SLC12A6: variants seen among roughly 807,000 people sequenced by gnomAD.
SLC12A6 encodes the protein K-Cl cotransporter 3.
A neutral mutation model predicts 135.3 loss-of-function variants in SLC12A6; 66 were observed. The observed-to-expected ratio is 0.49, with a 90% confidence interval of 0.40 to 0.60. The LOEUF (loss-of-function observed/expected upper bound fraction) is 0.60. Among genes scored for constraint, SLC12A6 ranks in the 20% least tolerant of loss-of-function variants. SLC12A6 has a pLI of 0.00. For synonymous variants in SLC12A6, 513 were observed against 508.8 expected (o/e 1.01, Z -0.11); for missense variants, 1,058 against 1,452.3 (o/e 0.73, Z 4.41).
intron 2 of SLC12A6, among the ~76,000 whole-genome samples, chr15:34,283,116 G>T (rs1396130313): frequency 6.6e-6 from 1 of 152,186 alleles, no homozygotes; most frequent in Non-Finnish European, 1.5e-5. Context: ...GCCAAGGCAG[G>T]TGGATCACCT....
intron 2 of SLC12A6, among the ~76,000 whole-genome samples, chr15:34,312,313 A>C (rs929002393): frequency 1.3e-5 from 2 of 152,216 alleles, no homozygotes; most frequent in Admixed American, 6.5e-5. Flanking sequence ...AGTAAGTACA[A>C]TACCTGACAT....
At chr15:34,311,447 T>C (rs192496605) in intron 2 of SLC12A6, among the ~76,000 whole-genome samples, 64 of 152,344 alleles carry the variant, frequency 4.2e-4, no homozygotes, top group Non-Finnish European at 8.2e-4. Flanking sequence ...TTTGTTATAT[T>C]GGTCCTATTT....
chr15:34,306,549 C>G (rs1330732951), intron 2 of SLC12A6, among the ~76,000 whole-genome samples: 1 of 152,182 alleles, frequency 6.6e-6, no homozygotes, highest in Non-Finnish European at 1.5e-5. Flanking sequence ...GCCTCAATTG[C>G]ACCAACTGTT....
Position 34,240,673 on chromosome 15 carries a change from T to TAAAG in SLC12A6, c.2420_2423dup (p.Leu808PhefsTer5). 1 of 1,613,982 alleles carries TAAAG rather than the reference T, an allele frequency of 6.2e-7. No individual in the cohort carries two copies. The highest frequency in any genetic ancestry group is 8.5e-7 in the Non-Finnish European group (1 of 1,179,862). ...GCCTGACTCTTACCTGCTCAGCAGCTAAAGCTTCACCGTAGTTCTCTAGGA... is the reference window on the plus strand; with the variant it reads ...GCCTGACTCTTACCTGCTCAGCAGCTAAAGAAAGCTTCACCGTAGTTCTCTAGGA... On this transcript the variant is annotated frameshift_variant, in exon 19 of 26. Transcript: ENST00000354181. LOFTEE classifies it high-confidence loss of function.
At chr15:34,304,595 CTG>C (rs1444167137) in intron 2 of SLC12A6, among the ~76,000 whole-genome samples, 2 of 152,110 alleles carry the variant, frequency 1.3e-5, no homozygotes, top group African/African-American at 2.4e-5. Context: ...TGTGAAAAAA[CTG>C]TACCTCATTT....
chr15:34,259,522 T>C (rs1463041226), intron 4 of SLC12A6, among the ~76,000 whole-genome samples: 2 of 151,960 alleles, frequency 1.3e-5, no homozygotes, highest in Non-Finnish European at 2.9e-5. Flanking sequence ...TGGTGACACA[T>C]GCCTGTAGTC....
In SLC12A6 at chr15:34,252,318, T is replaced by A. The variant is rs1266238552; in HGVS notation, c.1185A>T (p.Glu395Asp). 6.2e-7 allele frequency: 1 copy of A among 1,613,124 alleles called. No individual in the cohort carries two copies. Among genetic ancestry groups the A allele is most frequent in the Admixed American group, 1.7e-5 (1 of 60,022 alleles). Reference sequence around the variant, plus strand: ...TTGATGGGACTGTCATGTTGTTAATTTCCTTGGTCTTAGAGCAAACGTCAA... The same window carrying A: ...TTGATGGGACTGTCATGTTGTTAATATCCTTGGTCTTAGAGCAAACGTCAA... ...RHIDVCSKTK[E>D]INNMTVPSKL... Residue 395 changes from glutamate to aspartate, a missense_variant, in exon 10 of 26, where the codon GAA becomes GAT. Glu to Asp is a conservative substitution (Grantham distance 45). This residue lies in a region of SLC12A6 where 297 missense variants were observed against 318.5 expected (regional missense o/e 0.93). Coordinates refer to ENST00000354181, the MANE Select transcript of SLC12A6 (RefSeq NM_001365088.1).
intron 20 of SLC12A6, 150 bp downstream of exon 20, chr15:34,238,815 G>T: frequency 1.3e-6 from 1 of 766,980 alleles, no homozygotes. Flanking sequence ...GGTAGAATCT[G>T]GGTATTACTA....
chr15:34,240,584 T>C (rs965812638), intron 19 of SLC12A6, 77 bp downstream of exon 19: 1 of 1,224,820 alleles, frequency 8.2e-7, no homozygotes, highest in Non-Finnish European at 1.2e-6. Flanking sequence ...AAGATTCAAG[T>C]AGAAGTTTGA....
At position 34,232,240 on chromosome 15, in the gene SLC12A6, T is replaced by C. The variant is rs1475463028; in HGVS notation, c.*1641A>G. The C allele has an allele frequency of 6.6e-6, 1 of 152,178 alleles. No homozygotes were observed. The highest frequency in any genetic ancestry group is 1.5e-5 in the Non-Finnish European group (1 of 68,040). The allele number at this position is 152,178 out of a possible 1,614,324, so 9.4% of individuals were successfully genotyped here. A position where few individuals can be genotyped will look rare whatever the true frequency, so the allele number is the denominator to read the frequency against. ...CAAGTATTTCCTTGGCACACTGAAC[T>C]TTCTTTTTGAAACATATCACTCTGT... is the stretch of plus-strand genomic sequence containing the variant. On this transcript the variant is annotated 3_prime_UTR_variant, in exon 26 of 26. Coordinates refer to ENST00000354181, the MANE Select transcript of SLC12A6 (RefSeq NM_001365088.1).
intron 2 of SLC12A6, among the ~76,000 whole-genome samples, chr15:34,327,246 C>T (rs1488185158): frequency 2.6e-5 from 4 of 152,070 alleles, no homozygotes; most frequent in Non-Finnish European, 5.9e-5. Context: ...CCTATCAATT[C>T]TTAAAATTTC....
intron 2 of SLC12A6, among the ~76,000 whole-genome samples, chr15:34,287,797 T>C (rs1169266276): frequency 6.6e-6 from 1 of 152,246 alleles, no homozygotes; most frequent in Non-Finnish European, 1.5e-5. Flanking sequence ...TGTCTGTTAA[T>C]ATCCTTTGCC....
At chr15:34,236,327 G>C (rs1409071406) in intron 23 of SLC12A6, 128 bp from the exon 24 acceptor site, 4 of 762,602 alleles carry the variant, frequency 5.2e-6, no homozygotes, top group East Asian at 2.7e-5. Context: ...TGTCATCCTT[G>C]AAAACAATAT....
At chr15:34,267,040 T>G (rs1244765265) in intron 3 of SLC12A6, among the ~76,000 whole-genome samples, 3 of 152,186 alleles carry the variant, frequency 2.0e-5, no homozygotes, top group African/African-American at 4.8e-5. Context: ...CATTTTCCCC[T>G]CTAGTTTCCA....
chr15:34,294,302 G>A (rs983688740), intron 2 of SLC12A6, among the ~76,000 whole-genome samples: 1 of 152,004 alleles, frequency 6.6e-6, no homozygotes, highest in Non-Finnish European at 1.5e-5. Context: ...GTGTGATCAC[G>A]GCTCACTGCA....
intron 7 of SLC12A6, among the ~76,000 whole-genome samples, 188 bp downstream of exon 7, chr15:34,256,039 TAA>T (rs917567549): frequency 3.3e-5 from 5 of 152,140 alleles, no homozygotes; most frequent in African/African-American, 9.7e-5. Context: ...GTTTAAAAAA[TAA>T]AGAGATTTTA....
chr15:34,236,570 C>A, intron 23 of SLC12A6, 138 bp downstream of exon 23: 1 of 694,694 alleles, frequency 1.4e-6, no homozygotes, highest in Non-Finnish European at 2.7e-6. Flanking sequence ...TCTTGAACTC[C>A]TGACCTCTTG....
intron 3 of SLC12A6, among the ~76,000 whole-genome samples, chr15:34,269,549 T>A (rs1893767917): frequency 6.6e-6 from 1 of 152,222 alleles, no homozygotes; most frequent in Non-Finnish European, 1.5e-5. Context: ...AGGTTTGGGT[T>A]TGTACTATGT....
At chr15:34,334,085 CA>C (rs1339696228) in intron 2 of SLC12A6, among the ~76,000 whole-genome samples, 2 of 143,122 alleles carry the variant, frequency 1.4e-5, no homozygotes, top group Non-Finnish European at 3.1e-5. Flanking sequence ...AAAAAAAAAA[CA>C]AAAAAAACTT....
Sources: allele counts gnomAD v4.1 joint callset (sites outside exome capture counted in the v4.1 genomes callset), GRCh38; gene constraint gnomAD v4.1.1; regional missense constraint gnomAD v4.1.1; transcripts MANE v1.5; gene names NCBI Gene and HGNC (gene_info 2026-07-23, HGNC 2026-07-21).